The following SPG21 variants were observed in gnomAD, a reference collection of about 807,000 sequenced individuals.
The protein encoded by SPG21 is maspardin.
Under a neutral mutation model 38.9 loss-of-function variants are expected in SPG21, and 26 were observed. That is an observed-to-expected ratio of 0.67 (90% CI 0.49 to 0.93). The LOEUF (loss-of-function observed/expected upper bound fraction) is 0.93. SPG21 is among the 40% of genes least tolerant of loss of function. SPG21 has a pLI of 0.00. For missense variants in SPG21, 333 were observed against 376.5 expected (o/e 0.88, Z 0.96); for synonymous variants, 136 against 128.9 (o/e 1.05, Z -0.37).
At chr15:64,978,053 G>A (rs2085817360) in intron 3 of SPG21, among the ~76,000 whole-genome samples, 2 of 150,110 alleles carry the variant, frequency 1.3e-5, no homozygotes, top group Admixed American at 1.3e-4. Context: ...GGATGGTCTC[G>A]ATCTCCTGAT....
At chr15:64,976,655 T>C (rs556503303) in intron 3 of SPG21, 100 bp from the exon 4 acceptor site, 27 of 854,252 alleles carry the variant, frequency 3.2e-5, no homozygotes, top group Non-Finnish European at 4.6e-5. Context: ...CATTTCTCGT[T>C]TGCTCAAGCG....
At chr15:64,973,213 C>T (rs957291014) in intron 5 of SPG21, among the ~76,000 whole-genome samples, 1 of 152,176 alleles carries the variant, frequency 6.6e-6, no homozygotes, top group East Asian at 1.9e-4. Context: ...AAGTGATCCT[C>T]CTGTCTTGGC....
At position 64,969,362 on chromosome 15, in the gene SPG21, G is replaced by A. The variant is rs755046580; in HGVS notation, c.562C>T (p.Leu188=). Residue 188 remains leucine, a splice_region_variant and synonymous_variant, in exon 7 of 9, where the codon CTA becomes TTA. Transcript: ENST00000204566. The part of the protein sequence containing the change: ...ADAIDFMVDR[L]ESLGQSELAS... ...AGTTCACTCTGACCCAAACTTTCTAGCTGCAGGAAGAAACACAGGTAAAGT... is the reference window on the plus strand; with the variant it reads ...AGTTCACTCTGACCCAAACTTTCTAACTGCAGGAAGAAACACAGGTAAAGT... The A allele has an allele frequency of 1.2e-6, 2 of 1,603,494 alleles. No homozygotes were observed. Among genetic ancestry groups the A allele is most frequent in the Non-Finnish European group, 8.5e-7 (1 of 1,170,430 alleles).
At chr15:64,987,483 G>T (rs1476518122) in intron 1 of SPG21, 1 of 152,160 alleles carries the variant, frequency 6.6e-6, no homozygotes, top group Non-Finnish European at 1.5e-5. Flanking sequence ...AATCATAAGA[G>T]GAATATTCTG....
At chr15:64,974,413 T>G (rs903120935) in intron 5 of SPG21, among the ~76,000 whole-genome samples, 189 bp downstream of exon 5, 2 of 152,092 alleles carry the variant, frequency 1.3e-5, no homozygotes, top group African/African-American at 4.8e-5. Flanking sequence ...AAATAAAGGC[T>G]GCAGTAAGCT....
chr15:64,988,781 G>A (rs1056285840), intron 1 of SPG21: 2 of 152,314 alleles, frequency 1.3e-5, no homozygotes, highest in Non-Finnish European at 2.9e-5. Context: ...AGGAGATCGA[G>A]GCCATCCTGG....
At chr15:64,983,431 A>G in intron 2 of SPG21, 76 bp downstream of exon 2, 1 of 1,058,772 alleles carries the variant, frequency 9.4e-7, no homozygotes, top group Non-Finnish European at 1.4e-6. Context: ...AAACACTACT[A>G]AGACATGACA....
intron 5 of SPG21, among the ~76,000 whole-genome samples, chr15:64,973,478 T>G (rs1566927139): frequency 6.6e-6 from 1 of 151,592 alleles, no homozygotes; most frequent in Non-Finnish European, 1.5e-5. Flanking sequence ...TGAGATGGAG[T>G]TTCGCTCCTG....
chr15:64,982,455 A>AT (rs2085903248), intron 2 of SPG21, among the ~76,000 whole-genome samples: 1 of 151,584 alleles, frequency 6.6e-6, no homozygotes, highest in South Asian at 2.1e-4. Context: ...TAATTTTTTC[A>AT]TTTTTTTATA....
rs1555399717 is a variant in SPG21, at chr15:64,969,691, T to TTG, written c.562-330_562-329insCA. On this transcript the variant is annotated intron_variant, in intron 6 of 8. Coordinates refer to ENST00000204566, the MANE Select transcript of SPG21 (RefSeq NM_016630.7). The stretch of plus-strand genomic sequence containing the variant: ...AGGTGACAGATATATGTTTTTGTTT[T>TTG]TTTTTTTTTTTTAAGATAAACCTTT... Among the ~76,000 whole-genome samples the TTG allele has an allele frequency of 3.0e-3, 400 of 131,306 alleles. 1 individual carries two copies. Among genetic ancestry groups the TTG allele is most frequent in the Non-Finnish European group, 5.5e-3 (310 of 56,016 alleles). 86.1% of individuals were successfully genotyped at this position (131,306 alleles called of 152,430 possible). A position where few individuals can be genotyped will look rare whatever the true frequency, so the allele number is the denominator to read the frequency against.
At chr15:64,980,195 C>T (rs1403997250) in intron 3 of SPG21, among the ~76,000 whole-genome samples, 1 of 152,102 alleles carries the variant, frequency 6.6e-6, no homozygotes, top group Admixed American at 6.6e-5. Flanking sequence ...CTCAGTTCCT[C>T]CCTCCACCAC....
chr15:64,983,672 T>C (rs2085929411), intron 1 of SPG21, 79 bp from the exon 2 acceptor site: 5 of 867,110 alleles, frequency 5.8e-6, no homozygotes, highest in Non-Finnish European at 9.4e-6. Context: ...CATCTAGCTA[T>C]ACCAACAATA....
intron 4 of SPG21, 53 bp from the exon 5 acceptor site, chr15:64,974,800 C>T (rs1383818655): frequency 6.2e-7 from 1 of 1,608,910 alleles, no homozygotes; most frequent in African/African-American, 1.3e-5. Flanking sequence ...AATCTTGAAC[C>T]TGAGTATTAA....
chr15:64,971,225 T>C (rs1049198877), intron 5 of SPG21, among the ~76,000 whole-genome samples: 2 of 151,490 alleles, frequency 1.3e-5, no homozygotes, highest in Non-Finnish European at 2.9e-5. Flanking sequence ...GCCTGACTAA[T>C]TTTTTAAAAA....
chr15:64,970,367 T>C (rs184459879), intron 5 of SPG21, 145 bp from the exon 6 acceptor site: 109 of 690,380 alleles, frequency 1.6e-4, no homozygotes, highest in Non-Finnish European at 2.4e-4. Context: ...ATCTAGTTTT[T>C]ACACACACTT....
chr15:64,971,829 C>A (rs866080828), intron 5 of SPG21, among the ~76,000 whole-genome samples: 29 of 152,130 alleles, frequency 1.9e-4, no homozygotes, highest in African/African-American at 5.1e-4. Context: ...AGACTCCCAT[C>A]TCAAAAAAGA....
chr15:64,981,177 A>C, intron 2 of SPG21, 152 bp from the exon 3 acceptor site: 1 of 808,866 alleles, frequency 1.2e-6, no homozygotes, highest in Admixed American at 2.4e-5. Flanking sequence ...TGCATGACAA[A>C]CTCCTCTGAT....
chr15:64,986,887 C>T (rs960415479), intron 1 of SPG21, among the ~76,000 whole-genome samples: 1 of 152,172 alleles, frequency 6.6e-6, no homozygotes, highest in Non-Finnish European at 1.5e-5. Context: ...TTAATGGAGA[C>T]ATTTCCTAGT....
chr15:64,964,685 C>A (rs1228498291), intron 8 of SPG21, among the ~76,000 whole-genome samples: 1 of 152,012 alleles, frequency 6.6e-6, no homozygotes, highest in Non-Finnish European at 1.5e-5. Flanking sequence ...GGCTGGAGTG[C>A]AATGGCGTGA....
Sources: gnomAD v4.1 joint callset for allele counts (sites outside exome capture counted in the v4.1 genomes callset) on GRCh38, gnomAD v4.1.1 for gene constraint, MANE v1.5 for transcripts, NCBI Gene and HGNC (gene_info 2026-07-23, HGNC 2026-07-21) for gene names.